KCNK10: variants seen among roughly 807,000 people sequenced by gnomAD.
The protein encoded by KCNK10 is potassium two pore domain channel subfamily K member 10.
In KCNK10, 25 loss-of-function variants were observed where a neutral mutation model predicts 47.7. The ratio of observed to expected loss-of-function variants is 0.52; its 90% CI spans 0.38 to 0.73. KCNK10 has a LOEUF of 0.73. Among genes scored for constraint, KCNK10 ranks in the 30% least tolerant of loss-of-function variants. The pLI is 0.00. For missense variants in KCNK10, 563 were observed against 714.5 expected (o/e 0.79, Z 2.42); for synonymous variants, 303 against 285.6 (o/e 1.06, Z -0.61).
Position 88,323,242 on chromosome 14 carries a change from C to T in KCNK10, c.-444G>A, listed in dbSNP as rs1888589868. The T allele has an allele frequency of 1.0e-6, 1 of 990,916 alleles. No individual in the cohort carries two copies. The highest frequency in any genetic ancestry group is 1.2e-6 in the Non-Finnish European group (1 of 833,554). 61.4% of individuals were successfully genotyped at this position (990,916 alleles called of 1,614,324 possible). ...CGCACACACTCCCGCACACACACAC[C>T]CGCACACACACTCCCGGGCGCGCGC... On this transcript the variant is annotated 5_prime_UTR_variant, in exon 1 of 7. Transcript: ENST00000319231.
At chr14:88,257,799 C>G (rs545013954) in intron 2 of KCNK10, among the ~76,000 whole-genome samples, 24 of 152,326 alleles carry the variant, frequency 1.6e-4, no homozygotes, top group African/African-American at 5.8e-4. Flanking sequence ...TTTTGGACGT[C>G]TTTCAGATAG....
At chr14:88,311,685 G>T (rs1229026775) in intron 1 of KCNK10, among the ~76,000 whole-genome samples, 1 of 152,128 alleles carries the variant, frequency 6.6e-6, no homozygotes, top group African/African-American at 2.4e-5. Flanking sequence ...AAATGGAAAA[G>T]CGGAAGAAAT....
At chr14:88,235,033 A>G in intron 3 of KCNK10, 1 of 451,190 alleles carries the variant, frequency 2.2e-6, no homozygotes, top group Non-Finnish European at 4.5e-6. Flanking sequence ...GTTTTTACCA[A>G]GCATGAAACA....
At chr14:88,236,695 G>C (rs1886310913) in intron 3 of KCNK10, among the ~76,000 whole-genome samples, 1 of 152,012 alleles carries the variant, frequency 6.6e-6, no homozygotes, top group African/African-American at 2.4e-5. Flanking sequence ...TTTCTTTTTT[G>C]TTTCCCAGTG....
intron 2 of KCNK10, among the ~76,000 whole-genome samples, chr14:88,256,864 T>G (rs1307749929): frequency 1.3e-5 from 2 of 152,156 alleles, no homozygotes; most frequent in Non-Finnish European, 2.9e-5. Context: ...TGTTTAATCC[T>G]CAGACCACCA....
In KCNK10 at chr14:88,310,519, T is replaced by C. The variant is rs149507011; in HGVS notation, c.52+12228A>G. On this transcript the variant is annotated intron_variant, in intron 1 of 6. Transcript: ENST00000319231. ...GTGTCAGCTGTGGAGAGGGACTTTA[T>C]AGGGCTCCTCAAATCCCACCCCCTG... is the stretch of plus-strand genomic sequence containing the variant. Among the ~76,000 whole-genome samples the C allele has an allele frequency of 6.6e-5, 10 of 152,224 alleles. No individual in the cohort carries two copies. The East Asian group carries it at 1.2e-3, about 18-fold the overall frequency.
intron 1 of KCNK10, among the ~76,000 whole-genome samples, chr14:88,310,650 G>C (rs1362736464): frequency 6.6e-6 from 1 of 152,202 alleles, no homozygotes; most frequent in African/African-American, 2.4e-5. Context: ...CACCCTGCCA[G>C]AGAAAGGGAT....
chr14:88,275,751 A>C (rs8019133), intron 1 of KCNK10, among the ~76,000 whole-genome samples: 88,210 of 149,822 alleles, frequency 0.59, 26,408 homozygotes, highest in East Asian at 0.84. Flanking sequence ...CTTGTAATCT[A>C]AGCTACTTGG....
Position 88,322,872 on chromosome 14 carries a change from C to T in KCNK10, c.-74G>A, listed in dbSNP as rs552211465. The T allele has an allele frequency of 1.2e-6, 2 of 1,609,982 alleles. No homozygotes were observed. The highest frequency in any genetic ancestry group is 2.2e-5 in the South Asian group (2 of 90,598). ...TAAAGTCCTCAAGCTTTACACGCCT[C>T]GGTTTAGCAGTCCAACAAAACAATT... is the stretch of plus-strand genomic sequence containing the variant. On this transcript the variant is annotated 5_prime_UTR_variant, in exon 1 of 7. Transcript: ENST00000319231. This position sits in a 1 kb window ranked among gnomAD's most constrained non-coding sequence, Gnocchi z 4.8.
At chr14:88,220,976 G>T (rs562324929) in intron 4 of KCNK10, among the ~76,000 whole-genome samples, 2 of 151,802 alleles carry the variant, frequency 1.3e-5, no homozygotes, top group East Asian at 3.9e-4. Context: ...AAAATGCAAA[G>T]GATATACTTG....
chr14:88,217,289 T>C (rs1411821870), intron 4 of KCNK10, among the ~76,000 whole-genome samples: 2 of 152,220 alleles, frequency 1.3e-5, no homozygotes, highest in Admixed American at 6.5e-5. Flanking sequence ...ATATGGGCAC[T>C]GGTAAACTGA....
intron 4 of KCNK10, among the ~76,000 whole-genome samples, chr14:88,211,527 AT>A (rs36109737): frequency 0.33 from 50,356 of 152,104 alleles, 8,454 homozygotes; most frequent in Admixed American, 0.38. Flanking sequence ...CTTTAACACA[AT>A]TAAAAAAAGG....
intron 1 of KCNK10, among the ~76,000 whole-genome samples, chr14:88,313,298 A>G (rs1888364188): frequency 6.6e-6 from 1 of 152,230 alleles, no homozygotes; most frequent in Non-Finnish European, 1.5e-5. Flanking sequence ...ATTTTTCAAT[A>G]TGTCTTCAAA....
At chr14:88,303,562 G>A (rs7151421) in intron 1 of KCNK10, among the ~76,000 whole-genome samples, 76,091 of 151,694 alleles carry the variant, frequency 0.5, 22,770 homozygotes, top group Non-Finnish European at 0.68. Context: ...CCATGTATAC[G>A]CTAGTAGGAA....
At chr14:88,205,162 C>T (rs977241786) in intron 4 of KCNK10, among the ~76,000 whole-genome samples, 2 of 152,222 alleles carry the variant, frequency 1.3e-5, no homozygotes, top group African/African-American at 4.8e-5. Context: ...TTCAGATTGG[C>T]TTCTTCCACG....
At chr14:88,192,139 C>G in intron 5 of KCNK10, 85 bp downstream of exon 5, 1 of 1,303,862 alleles carries the variant, frequency 7.7e-7, no homozygotes, top group Non-Finnish European at 1.1e-6. Flanking sequence ...TCTCCCGCAA[C>G]ATCTTTTATC....
chr14:88,275,308 C>A (rs1174144860), intron 1 of KCNK10, among the ~76,000 whole-genome samples: 1 of 152,190 alleles, frequency 6.6e-6, no homozygotes, highest in Non-Finnish European at 1.5e-5. Flanking sequence ...GCTGCTCCCC[C>A]AGTTTCCTGC....
chr14:88,294,080 A>T (rs191813256), intron 1 of KCNK10, among the ~76,000 whole-genome samples: 20 of 152,248 alleles, frequency 1.3e-4, no homozygotes, highest in Admixed American at 1.0e-3. Flanking sequence ...GGAAACCACT[A>T]CAGCCCACTC....
intron 3 of KCNK10, among the ~76,000 whole-genome samples, chr14:88,228,925 T>G (rs1432524541): frequency 6.6e-6 from 1 of 152,202 alleles, no homozygotes; most frequent in East Asian, 1.9e-4. Flanking sequence ...TTTCAGGAAC[T>G]TGGACAAAAT....
Sources: gnomAD v4.1 joint callset for allele counts (sites outside exome capture counted in the v4.1 genomes callset) on GRCh38, gnomAD v4.1.1 for gene constraint, Gnocchi (gnomAD v3.1) non-coding constraint, MANE v1.5 for transcripts, NCBI Gene and HGNC (gene_info 2026-07-23, HGNC 2026-07-21) for gene names.